Variants in SEC62 observed in about 807,000 individuals in gnomAD.
SEC62 encodes translocation protein SEC62.
SEC62 carries 10 observed loss-of-function variants against 47.5 expected under a neutral mutation model. The observed-to-expected ratio is 0.21, with a 90% CI of 0.13 to 0.36. SEC62 has a LOEUF of 0.36. Ranked by LOEUF, SEC62 falls within the 10% of genes least tolerant of loss-of-function variation. The probability of loss-of-function intolerance (pLI) is 1.00; values close to 1 mark genes in which losing one functional copy is unlikely to be tolerated. For missense variants in SEC62, 327 were observed against 464.1 expected (o/e 0.70, Z 2.71); for synonymous variants, 136 against 150.5 (o/e 0.90, Z 0.71).
At chr3:169,974,842 C>A (rs979217396) in intron 1 of SEC62, among the ~76,000 whole-genome samples, 1 of 152,024 alleles carries the variant, frequency 6.6e-6, no homozygotes, top group Admixed American at 6.5e-5. Flanking sequence ...ACTCCTTCTG[C>A]GATCTGTTGT....
rs144550822 is a variant in SEC62, at chr3:169,987,017, C to T, written c.610+1152C>T. Among the ~76,000 whole-genome samples, 11 of 150,696 alleles carry T rather than the reference C, an allele frequency of 7.3e-5. No homozygotes were observed. The East Asian group carries it at 9.7e-4, about 13-fold the overall frequency. On this transcript the variant is annotated intron_variant, in intron 6 of 7. Coordinates refer to ENST00000337002, the MANE Select transcript of SEC62 (RefSeq NM_003262.4). ...GATTTGTTTTTGATTTGCTTTTTAA[C>T]GTGTGTATTCCAGGAGGTTTTATGG...
chr3:169,966,808 G>C lies in SEC62; in HGVS notation c.-15G>C, dbSNP rs371128032. The C allele has an allele frequency of 6.4e-7, 1 of 1,552,574 alleles. No homozygotes were observed. The highest frequency in any genetic ancestry group is 2.4e-5 in the East Asian group (1 of 40,984). ...CCTCGCTCCACGTCAGAGGGAACCGGGCGGAGCGGCCAACATGGCGGAACG... is the reference window on the plus strand; with the variant it reads ...CCTCGCTCCACGTCAGAGGGAACCGCGCGGAGCGGCCAACATGGCGGAACG... On this transcript the variant is annotated 5_prime_UTR_variant, in exon 1 of 8. Transcript: ENST00000337002.
At position 169,994,107 on chromosome 3, in the gene SEC62, G is replaced by A. The variant is rs1715315462; in HGVS notation, c.*1044G>A. 1 of 152,458 alleles carries A rather than the reference G, an allele frequency of 6.6e-6. No homozygotes were observed. The highest frequency in any genetic ancestry group is 6.6e-5 in the Admixed American group (1 of 15,262). The allele number at this position is 152,458 out of a possible 1,614,324, so 9.4% of individuals were successfully genotyped here. A position where few individuals can be genotyped will look rare whatever the true frequency, so the allele number is the denominator to read the frequency against. The stretch of plus-strand genomic sequence containing the variant: ...AGATACTGTATTATCAGACCAGGAG[G>A]CATTGCTGTGAAAGATAATTTCCTA... On this transcript the variant is annotated 3_prime_UTR_variant, in exon 8 of 8. Coordinates refer to ENST00000337002, the MANE Select transcript of SEC62 (RefSeq NM_003262.4).
chr3:169,973,519 C>T (rs912106165), intron 1 of SEC62, among the ~76,000 whole-genome samples: 1 of 151,846 alleles, frequency 6.6e-6, no homozygotes, highest in African/African-American at 2.4e-5. Context: ...AAAAATTAGC[C>T]GGACATGGTG....
In SEC62 at chr3:169,995,276, G is replaced by A. The variant is rs917472211; in HGVS notation, c.*2213G>A. The A allele has an allele frequency of 5.9e-5, 9 of 151,950 alleles. No individual in the cohort carries two copies. Among genetic ancestry groups the A allele is most frequent in the Non-Finnish European group, 1.0e-4 (7 of 67,966 alleles). The allele number at this position is 151,950 out of a possible 1,614,324, so 9.4% of individuals were successfully genotyped here. A position where few individuals can be genotyped will look rare whatever the true frequency, so the allele number is the denominator to read the frequency against. On this transcript the variant is annotated 3_prime_UTR_variant, in exon 8 of 8. Coordinates refer to ENST00000337002, the MANE Select transcript of SEC62 (RefSeq NM_003262.4). ...TGATCATGTAGGGCTTATTGTAGAG[G>A]GTATCAATTGGCCTAACTAAGCAGG...
chr3:169,987,869 CT>C (rs1485308265), intron 6 of SEC62, among the ~76,000 whole-genome samples: 1 of 152,108 alleles, frequency 6.6e-6, no homozygotes, highest in Non-Finnish European at 1.5e-5. Context: ...CTTTGTTGTT[CT>C]GTTGTTTCTT....
chr3:169,970,508 A>C (rs1234292862), intron 1 of SEC62, among the ~76,000 whole-genome samples: 1 of 152,258 alleles, frequency 6.6e-6, no homozygotes, highest in Non-Finnish European at 1.5e-5. Context: ...AATATTGGCT[A>C]AAATAACTTA....
intron 5 of SEC62, chr3:169,985,067 G>A (rs1448899136): frequency 1.3e-5 from 2 of 151,944 alleles, no homozygotes; most frequent in Non-Finnish European, 2.9e-5. Context: ...TGATCTTTGT[G>A]TCTTCTCAGG....
intron 6 of SEC62, among the ~76,000 whole-genome samples, chr3:169,987,279 T>C (rs1358053222): frequency 6.6e-6 from 1 of 151,934 alleles, no homozygotes; most frequent in East Asian, 1.9e-4. Context: ...ATTAGCCGGG[T>C]GTGGTGGTTC....
intron 3 of SEC62, among the ~76,000 whole-genome samples, chr3:169,980,524 TG>T (rs1460304459): frequency 6.6e-6 from 1 of 152,148 alleles, no homozygotes; most frequent in Non-Finnish European, 1.5e-5. Flanking sequence ...TTTTCTTTCG[TG>T]GGGGTGGGCA....
At position 169,966,839 on chromosome 3, in the gene SEC62, G is replaced by C; in HGVS notation, c.17G>C (p.Arg6Thr). Residue 6 changes from arginine to threonine, a missense_variant, in exon 1 of 8, where the codon AGA becomes ACA. Arg to Thr is a moderately conservative substitution (Grantham distance 71). Coordinates refer to ENST00000337002, the MANE Select transcript of SEC62 (RefSeq NM_003262.4). ...GCGGCCAACATGGCGGAACGCAGGA[G>C]ACACAAGAAGCGGATCCAGGTAGCA... is the stretch of plus-strand genomic sequence containing the variant. MAERR[R>T]HKKRIQEVGE... 6.4e-7 allele frequency: 1 copy of C among 1,556,076 alleles called. No individual in the cohort carries two copies. The highest frequency in any genetic ancestry group is 8.7e-7 in the Non-Finnish European group (1 of 1,149,588).
intron 3 of SEC62, among the ~76,000 whole-genome samples, chr3:169,979,391 CAAAAT>C (rs1341555259): frequency 6.6e-6 from 1 of 152,054 alleles, no homozygotes; most frequent in African/African-American, 2.4e-5. Context: ...TGAGGAAAAA[CAAAAT>C]AGGAAAATGT....
Position 169,993,602 on chromosome 3 carries a change from T to C in SEC62, c.*539T>C. ...AACTATTTTGTGGAAACAAGCCAAC[T>C]AGTAACAATGCAGCAACACTTCTGG... On this transcript the variant is annotated 3_prime_UTR_variant, in exon 8 of 8. Coordinates refer to ENST00000337002, the MANE Select transcript of SEC62 (RefSeq NM_003262.4). 1 of 152,748 alleles carries C rather than the reference T, an allele frequency of 6.5e-6. No individual in the cohort carries two copies. The highest frequency in any genetic ancestry group is 1.9e-4 in the East Asian group (1 of 5,208). 9.5% of individuals were successfully genotyped at this position (152,748 alleles called of 1,614,324 possible).
intron 6 of SEC62, among the ~76,000 whole-genome samples, chr3:169,986,735 T>C (rs1381095631): frequency 3.9e-5 from 6 of 152,144 alleles, no homozygotes; most frequent in Non-Finnish European, 7.4e-5. Flanking sequence ...ACCTTTTGAT[T>C]TGCTTGTTTG....
chr3:169,979,815 A>T (rs1183559365), intron 3 of SEC62, among the ~76,000 whole-genome samples: 4 of 152,314 alleles, frequency 2.6e-5, no homozygotes, highest in East Asian at 3.9e-4. Flanking sequence ...GAGTTTTTTT[A>T]AAATCTCCTG....
rs1715293394 is a variant in SEC62, at chr3:169,993,339, C to T, written c.*276C>T. On this transcript the variant is annotated 3_prime_UTR_variant, in exon 8 of 8. Coordinates refer to ENST00000337002, the MANE Select transcript of SEC62 (RefSeq NM_003262.4). Reference sequence around the variant, plus strand: ...ACAGTTATCAAAGATGTACTTTCCACAGTTAAATTTACATTAATGGCAATT... The same window carrying T: ...ACAGTTATCAAAGATGTACTTTCCATAGTTAAATTTACATTAATGGCAATT... 3.5e-6 allele frequency: 1 copy of T among 288,196 alleles called. No individual in the cohort carries two copies. Among genetic ancestry groups the T allele is most frequent in the Non-Finnish European group, 6.5e-6 (1 of 155,038 alleles). 17.9% of individuals were successfully genotyped at this position (288,196 alleles called of 1,614,324 possible). A position where few individuals can be genotyped will look rare whatever the true frequency, so the allele number is the denominator to read the frequency against.
In SEC62 at chr3:169,976,943, T is replaced by C. The variant is rs1288039367; in HGVS notation, c.146-3T>C. The C allele has an allele frequency of 1.3e-6, 2 of 1,591,360 alleles. No homozygotes were observed. Among genetic ancestry groups the C allele is most frequent in the Non-Finnish European group, 1.7e-6 (2 of 1,165,898 alleles). ...AATTTAAAATAATGAATTTCTTCTT[T>C]AGCTTCAAAAGCAGTGGACTGTCTT... On this transcript the variant is annotated splice_region_variant and splice_polypyrimidine_tract_variant and intron_variant, in intron 2 of 7. Coordinates refer to ENST00000337002, the MANE Select transcript of SEC62 (RefSeq NM_003262.4).
At position 169,991,799 on chromosome 3, in the gene SEC62, G is replaced by A. The variant is rs185095838; in HGVS notation, c.731-795G>A. ...AATTTATCCTTTAGGCATAGTAAACGTGTGCCTTGGACCAAGATACATATA... is the reference window on the plus strand; with the variant it reads ...AATTTATCCTTTAGGCATAGTAAACATGTGCCTTGGACCAAGATACATATA... On this transcript the variant is annotated intron_variant, in intron 7 of 7. Coordinates refer to ENST00000337002, the MANE Select transcript of SEC62 (RefSeq NM_003262.4). 8.5e-5 allele frequency among the ~76,000 whole-genome samples: 13 copies of A among 152,234 alleles called. No individual in the cohort carries two copies. In the East Asian group the frequency reaches 1.7e-3, roughly 20 times the overall value.
At chr3:169,985,924 C>T in intron 6 of SEC62, 59 bp downstream of exon 6, 1 of 1,135,488 alleles carries the variant, frequency 8.8e-7, no homozygotes, top group Non-Finnish European at 1.3e-6. Context: ...AAACAATATG[C>T]AGATACTGTA....
Sources: gnomAD v4.1 joint callset for allele counts (sites outside exome capture counted in the v4.1 genomes callset) on GRCh38, gnomAD v4.1.1 for gene constraint, MANE v1.5 for transcripts, NCBI Gene and HGNC (gene_info 2026-07-23, HGNC 2026-07-21) for gene names.